The following ASPH variants were observed in gnomAD, a reference collection of about 807,000 sequenced individuals.
ASPH encodes the protein aspartate beta-hydroxylase.
In ASPH, 100 loss-of-function variants were observed where a neutral mutation model predicts 118.4. That is an observed-to-expected ratio of 0.84 (90% CI 0.72 to 1.00). The LOEUF (loss-of-function observed/expected upper bound fraction) is 1.00. ASPH is among the 50% of genes least tolerant of loss of function. The pLI, the probability that ASPH is intolerant of heterozygous loss-of-function variation, is 0.00. For synonymous variants in ASPH, 315 were observed against 325.6 expected (o/e 0.97, Z 0.35); for missense variants, 920 against 919.5 (o/e 1.00, Z -0.01).
At chr8:61,578,350 G>C in intron 15 of ASPH, 1 of 1,606,810 alleles carries the variant, frequency 6.2e-7, no homozygotes, top group Non-Finnish European at 8.5e-7. Flanking sequence ...GTGGGCAGCA[G>C]CAGCTTTCGG....
chr8:61,643,844 G>T (rs1454690583), intron 8 of ASPH, 101 bp downstream of exon 8: 4 of 868,834 alleles, frequency 4.6e-6, no homozygotes, highest in African/African-American at 3.4e-5. Flanking sequence ...TACCATACAG[G>T]GATCTCTGTG....
intron 13 of ASPH, chr8:61,625,698 G>A: frequency 1.0e-6 from 1 of 985,056 alleles, no homozygotes; most frequent in Non-Finnish European, 1.2e-6. Flanking sequence ...GTGTTAATCT[G>A]AACACTTAAA....
intron 14 of ASPH, among the ~76,000 whole-genome samples, chr8:61,615,970 C>G (rs567737729): frequency 7.9e-5 from 12 of 152,248 alleles, no homozygotes; most frequent in African/African-American, 2.9e-4. Flanking sequence ...CATGGAATTT[C>G]CACAGCTCAC....
chr8:61,642,839 C>A, intron 10 of ASPH, 49 bp downstream of exon 10: 2 of 1,403,374 alleles, frequency 1.4e-6, no homozygotes. Context: ...GAGCGAAACT[C>A]CATCTCAAAA....
intron 17 of ASPH, among the ~76,000 whole-genome samples, chr8:61,565,713 G>A (rs1831459074): frequency 6.6e-6 from 1 of 152,154 alleles, no homozygotes; most frequent in Admixed American, 6.5e-5. Flanking sequence ...CAAAATCACT[G>A]TCTATTGGAA....
intron 14 of ASPH, among the ~76,000 whole-genome samples, chr8:61,607,804 A>G (rs983179751): frequency 5.9e-5 from 9 of 152,204 alleles, no homozygotes; most frequent in Non-Finnish European, 1.3e-4. Context: ...TCCCTCAAAC[A>G]TCGTCATCCT....
intron 13 of ASPH, 166 bp downstream of exon 13, chr8:61,633,517 C>G: frequency 1.9e-6 from 1 of 521,646 alleles, no homozygotes; most frequent in South Asian, 3.6e-5. Flanking sequence ...GTGCATTTTC[C>G]ATTACTTTGG....
rs1805328968 is a variant in ASPH, at chr8:61,503,583, T to A, written c.2127-74A>T. ...ATGTCTGAGGATCGATTCCTGTCCA[T>A]GTGCGAGAACTACCTTTGGTAACAA... On this transcript the variant is annotated intron_variant, in intron 24 of 24. Transcript: ENST00000379454. 2.1e-6 allele frequency: 3 copies of A among 1,426,862 alleles called. No homozygotes were observed. The East Asian group carries it at 7.5e-5, about 35-fold the overall frequency. The allele number at this position is 1,426,862 out of a possible 1,614,324, so 88.4% of individuals were successfully genotyped here.
At chr8:61,663,159 G>C in intron 3 of ASPH, 5 of 985,314 alleles carry the variant, frequency 5.1e-6, no homozygotes, top group Non-Finnish European at 6.0e-6. Context: ...TCATATGCCT[G>C]GGGGACATGT....
At chr8:61,582,551 C>T (rs1240766492) in intron 15 of ASPH, among the ~76,000 whole-genome samples, 3 of 152,184 alleles carry the variant, frequency 2.0e-5, no homozygotes, top group African/African-American at 7.2e-5. Context: ...AGGAATCATT[C>T]CACGTGGTTA....
intron 18 of ASPH, among the ~76,000 whole-genome samples, chr8:61,559,631 G>A (rs1024881204): frequency 4.6e-5 from 7 of 152,136 alleles, no homozygotes; most frequent in East Asian, 1.9e-4. Flanking sequence ...TTCAGCAAGA[G>A]TTAAAAGATT....
intron 2 of ASPH, chr8:61,683,729 C>T (rs77072761): frequency 0.028 from 5,597 of 201,402 alleles, 227 homozygotes; most frequent in South Asian, 0.21. Flanking sequence ...TATAATATAA[C>T]AAAATTGAAT....
At chr8:61,582,114 G>A (rs1351150119) in intron 15 of ASPH, among the ~76,000 whole-genome samples, 2 of 152,194 alleles carry the variant, frequency 1.3e-5, no homozygotes, top group African/African-American at 4.8e-5. Context: ...TTATGTTGAT[G>A]AGTCAGTCAA....
At chr8:61,588,684 T>C (rs980509898) in intron 14 of ASPH, among the ~76,000 whole-genome samples, 2 of 152,184 alleles carry the variant, frequency 1.3e-5, no homozygotes, top group Non-Finnish European at 1.5e-5. Flanking sequence ...TTGCTGAAAA[T>C]ACACCCATAG....
intron 6 of ASPH, among the ~76,000 whole-genome samples, chr8:61,646,244 G>A (rs571630468): frequency 6.6e-6 from 1 of 152,264 alleles, no homozygotes; most frequent in East Asian, 1.9e-4. Context: ...CTGCTTTTAC[G>A]CTGTGATGGC....
rs1346235529 is a variant in ASPH, at chr8:61,500,759, C to T, written c.*2600G>A. 6.6e-6 allele frequency: 1 copy of T among 152,048 alleles called. No individual in the cohort carries two copies. Among genetic ancestry groups the T allele is most frequent in the African/African-American group, 2.4e-5 (1 of 41,396 alleles). The allele number at this position is 152,048 out of a possible 1,614,324, so 9.4% of individuals were successfully genotyped here. On this transcript the variant is annotated 3_prime_UTR_variant, in exon 25 of 25. Coordinates refer to ENST00000379454, the MANE Select transcript of ASPH (RefSeq NM_004318.4). ...ATGACATGGGTATTTATTAGTATTA[C>T]CAGTTGGTGCTCAAAGTCAAACAAA...
At chr8:61,676,583 T>C (rs1000782016) in intron 3 of ASPH, among the ~76,000 whole-genome samples, 2 of 152,138 alleles carry the variant, frequency 1.3e-5, no homozygotes, top group South Asian at 2.1e-4. Flanking sequence ...CATTAGAGTG[T>C]TGAGTTGAAA....
intron 22 of ASPH, among the ~76,000 whole-genome samples, chr8:61,525,140 C>T (rs1200057203): frequency 6.6e-6 from 1 of 152,046 alleles, no homozygotes; most frequent in Non-Finnish European, 1.5e-5. Context: ...CCTTATTTGT[C>T]CTTTAGTGTA....
chr8:61,647,417 T>G (rs1033539915), intron 5 of ASPH, among the ~76,000 whole-genome samples: 10 of 152,180 alleles, frequency 6.6e-5, no homozygotes, highest in African/African-American at 2.4e-4. Flanking sequence ...ACGCCTATAA[T>G]CCCAGCACTT....
Sources: gnomAD v4.1 joint callset for allele counts (sites outside exome capture counted in the v4.1 genomes callset) on GRCh38, gnomAD v4.1.1 for gene constraint, MANE v1.5 for transcripts, NCBI Gene and HGNC (gene_info 2026-07-23, HGNC 2026-07-21) for gene names.